CFHR4: variants seen among roughly 807,000 people sequenced by gnomAD.
The protein encoded by CFHR4 is complement factor H related 4.
A neutral mutation model predicts 69.3 loss-of-function variants in CFHR4; 64 were observed. That is an observed-to-expected ratio of 0.92 (90% CI 0.76 to 1.14). CFHR4 has a LOEUF of 1.14. Among genes scored for constraint, CFHR4 ranks in the 50% most tolerant of loss-of-function variants. The probability of loss-of-function intolerance (pLI) is 0.00; values close to 1 mark genes in which losing one functional copy is unlikely to be tolerated. For missense variants in CFHR4, 636 were observed against 684.9 expected (o/e 0.93, Z 0.80); for synonymous variants, 244 against 237.0 (o/e 1.03, Z -0.27).
intron 1 of CFHR4, among the ~76,000 whole-genome samples, chr1:196,895,602 C>A (rs1657253782): frequency 2.0e-5 from 3 of 151,212 alleles, no homozygotes; most frequent in East Asian, 1.9e-4. Context: ...TTCAGAATTT[C>A]TTTTTGTTTC....
chr1:196,888,062 T>C lies in CFHR4; in HGVS notation c.-89T>C, dbSNP rs750612667. On this transcript the variant is annotated 5_prime_UTR_variant, in exon 1 of 10. Coordinates refer to ENST00000608469, the MANE Select transcript of CFHR4 (RefSeq NM_001201550.3). Reference sequence around the variant, plus strand: ...TGTGGTAGTGCACTTAAATTCAGAATCACACTTGGTAACTAATAATGAAAG... The same window carrying C: ...TGTGGTAGTGCACTTAAATTCAGAACCACACTTGGTAACTAATAATGAAAG... 3 of 1,363,346 alleles carry C rather than the reference T, an allele frequency of 2.2e-6. No homozygotes were observed. The highest frequency in any genetic ancestry group is 2.9e-5 in the African/African-American group (2 of 67,988). The allele number at this position is 1,363,346 out of a possible 1,614,324, so 84.5% of individuals were successfully genotyped here. A position where few individuals can be genotyped will look rare whatever the true frequency, so the allele number is the denominator to read the frequency against.
rs181981788 is a variant in CFHR4 at position 196,909,058 on chromosome 1, C to A, written c.800-1223C>A. ...CAGAGGAAAATTCGTATCCTCAAAT[C>A]AAAATAGTTTACAAGTATCTTTGAA... On this transcript the variant is annotated intron_variant, in intron 5 of 9. Coordinates refer to ENST00000608469, the MANE Select transcript of CFHR4 (RefSeq NM_001201550.3). Among the ~76,000 whole-genome samples the A allele has an allele frequency of 1.2e-4, 18 of 151,508 alleles. No individual in the cohort carries two copies. The East Asian group carries it at 3.3e-3, about 28-fold the overall frequency.
chr1:196,903,002 C>A (rs763139536), intron 2 of CFHR4, among the ~76,000 whole-genome samples: 1 of 151,394 alleles, frequency 6.6e-6, no homozygotes, highest in East Asian at 1.9e-4. Flanking sequence ...TGATCAAATT[C>A]ATGTCTCTAA....
intron 6 of CFHR4, among the ~76,000 whole-genome samples, chr1:196,911,192 T>A (rs1658252696): frequency 6.6e-6 from 1 of 151,586 alleles, no homozygotes; most frequent in Non-Finnish European, 1.5e-5. Context: ...TATGTCTTTT[T>A]TATTTTTAAA....
chr1:196,914,874 TAA>T lies in CFHR4; in HGVS notation c.1358-81_1358-80del, dbSNP rs1046385861. 6 of 1,527,636 alleles carry T rather than the reference TAA, an allele frequency of 3.9e-6. No homozygotes were observed. The African/African-American group carries it at 5.7e-5, about 14-fold the overall frequency. The allele number at this position is 1,527,636 out of a possible 1,614,324, so 94.6% of individuals were successfully genotyped here. A position where few individuals can be genotyped will look rare whatever the true frequency, so the allele number is the denominator to read the frequency against. ...CCTAAGAAATCAAATAAGATACAGTTAAGAGTATATAAAAAGCTTTATTTAGA... is the reference window on the plus strand; with the variant it reads ...CCTAAGAAATCAAATAAGATACAGTTGAGTATATAAAAAGCTTTATTTAGA... On this transcript the variant is annotated intron_variant, in intron 8 of 9. Transcript: ENST00000608469.
At chr1:196,913,923 A>T (rs950236770) in intron 7 of CFHR4, among the ~76,000 whole-genome samples, 2 of 151,378 alleles carry the variant, frequency 1.3e-5, no homozygotes, top group African/African-American at 4.9e-5. Flanking sequence ...ACTGTTTTCA[A>T]TTTCTATGCT....
chr1:196,905,413 C>T (rs968228383), intron 3 of CFHR4, 123 bp downstream of exon 3: 3 of 1,320,904 alleles, frequency 2.3e-6, no homozygotes, highest in Non-Finnish European at 2.1e-6. Flanking sequence ...ATACTTCTAA[C>T]ATCATCTAAC....
chr1:196,892,552 A>G (rs1657094850), intron 1 of CFHR4, among the ~76,000 whole-genome samples: 1 of 151,366 alleles, frequency 6.6e-6, no homozygotes, highest in Admixed American at 6.6e-5. Flanking sequence ...GTCAATAATT[A>G]CCATATTATG....
intron 1 of CFHR4, among the ~76,000 whole-genome samples, chr1:196,888,713 ATTAATATGAAT>A (rs1656863329): frequency 6.6e-6 from 1 of 151,340 alleles, no homozygotes; most frequent in Non-Finnish European, 1.5e-5. Context: ...TCTAATTAAC[ATTAATATGAAT>A]TTAATATTTC....
chr1:196,906,383 T>G (rs1218272870), intron 3 of CFHR4, among the ~76,000 whole-genome samples: 1 of 151,516 alleles, frequency 6.6e-6, no homozygotes, highest in Non-Finnish European at 1.5e-5. Flanking sequence ...CTTTGATAAA[T>G]GATCTAAGAT....
At chr1:196,915,554 G>A (rs1397972056) in intron 9 of CFHR4, among the ~76,000 whole-genome samples, 1 of 151,506 alleles carries the variant, frequency 6.6e-6, no homozygotes, top group African/African-American at 2.4e-5. Context: ...AGAATCATCT[G>A]AACCCGGGAG....
At chr1:196,895,144 G>A (rs905867512) in intron 1 of CFHR4, among the ~76,000 whole-genome samples, 12 of 151,420 alleles carry the variant, frequency 7.9e-5, no homozygotes, top group Admixed American at 7.9e-4. Context: ...GAGGCAGGAG[G>A]ATTGCTTTAG....
rs576723045 is a variant in CFHR4 at position 196,889,996 on chromosome 1, G to C, written c.58+1788G>C. Among the ~76,000 whole-genome samples the C allele has an allele frequency of 4.0e-5, 6 of 151,594 alleles. No homozygotes were observed. In the South Asian group the frequency reaches 1.2e-3, roughly 31 times the overall value. On this transcript the variant is annotated intron_variant, in intron 1 of 9. Coordinates refer to ENST00000608469, the MANE Select transcript of CFHR4 (RefSeq NM_001201550.3). ...TCTCAAAGTATTAGCCTCCAGAACT[G>C]TAAGAAAATAAATTTCTATGAAATC...
intron 3 of CFHR4, among the ~76,000 whole-genome samples, chr1:196,905,920 C>T (rs947382107): frequency 1.3e-5 from 2 of 151,420 alleles, no homozygotes; most frequent in African/African-American, 2.4e-5. Context: ...ACATTCCCAA[C>T]TTGTAATTAT....
intron 2 of CFHR4, among the ~76,000 whole-genome samples, chr1:196,903,536 C>T (rs1229548805): frequency 1.3e-5 from 2 of 150,938 alleles, no homozygotes; most frequent in Non-Finnish European, 2.9e-5. Context: ...GCCTGTAATC[C>T]CAGCTACCCA....
chr1:196,914,608 G>A lies in CFHR4; in HGVS notation c.1294G>A (p.Gly432Arg), dbSNP rs1361841512. 2 of 1,611,540 alleles carry A rather than the reference G, an allele frequency of 1.2e-6. No homozygotes were observed. The highest frequency in any genetic ancestry group is 4.5e-5 in the East Asian group (2 of 44,732). ...ECYDGYEISYGNTTGSIVCGE... is the reference protein window; with the variant it reads ...ECYDGYEISYRNTTGSIVCGE... ...CTACGATGGATATGAAATCAGTTAT[G>A]GAAACACCACAGGTTCCATAGTGTG... The change falls in exon 8 of 10, where the codon GGA becomes AGA. Residue 432 changes from glycine (G) to arginine (R), a missense_variant. This residue lies in a region of CFHR4 where 529 missense variants were observed against 533.2 expected (regional missense o/e 0.99). Transcript: ENST00000608469.
In CFHR4 at chr1:196,913,268, A is replaced by G. The variant is rs113957437; in HGVS notation, c.1180+346A>G. ...CTTTCTTTGTATTTCAAAATTATCA[A>G]CTGCTTGTATTGCATTCCTTGCTCA... On this transcript the variant is annotated intron_variant, in intron 7 of 9. Coordinates refer to ENST00000608469, the MANE Select transcript of CFHR4 (RefSeq NM_001201550.3). 1.5e-3 allele frequency among the ~76,000 whole-genome samples: 228 copies of G among 151,582 alleles called. 4 individuals are homozygous for G. Among genetic ancestry groups the G allele is most frequent in the Non-Finnish European group, 2.6e-3 (177 of 67,916 alleles).
intron 1 of CFHR4, among the ~76,000 whole-genome samples, chr1:196,890,974 T>G (rs755987045): frequency 6.6e-6 from 1 of 151,520 alleles, no homozygotes; most frequent in Non-Finnish European, 1.5e-5. Flanking sequence ...AAAAAGAATT[T>G]TTGGCCAGTC....
In CFHR4 at chr1:196,914,569, T is replaced by C. The variant is rs1220744828; in HGVS notation, c.1255T>C (p.Leu419=). ...CATGCGGTTTAAGCTCCATGACACA[T>C]TGGACTACGAATGCTACGATGGATA... is the stretch of plus-strand genomic sequence containing the variant. ...NGMRFKLHDT[L]DYECYDGYEI... The change falls in exon 8 of 10, where the codon TTG becomes CTG. Residue 419 remains leucine, a synonymous_variant. Coordinates refer to ENST00000608469, the MANE Select transcript of CFHR4 (RefSeq NM_001201550.3). The C allele has an allele frequency of 1.2e-5, 19 of 1,611,604 alleles. No homozygotes were observed. Among genetic ancestry groups the C allele is most frequent in the Non-Finnish European group, 1.4e-5 (17 of 1,179,070 alleles).
Sources: allele counts gnomAD v4.1 joint callset (sites outside exome capture counted in the v4.1 genomes callset), GRCh38; gene constraint gnomAD v4.1.1; regional missense constraint gnomAD v4.1.1; transcripts MANE v1.5; gene names NCBI Gene and HGNC (gene_info 2026-07-23, HGNC 2026-07-21).